Variants in ITGA6 observed in about 807,000 individuals in gnomAD.
ITGA6 encodes integrin subunit alpha 6, also known as integrin alpha-6.
Under a neutral mutation model 133.6 loss-of-function variants are expected in ITGA6, and 63 were observed. The observed-to-expected ratio is 0.47, with a 90% CI of 0.38 to 0.58. ITGA6 has a LOEUF of 0.58. ITGA6 is among the 20% of genes least tolerant of loss of function. ITGA6 has a pLI of 0.00. For missense variants in ITGA6, 1,068 were observed against 1,309.4 expected (o/e 0.82, Z 2.85); for synonymous variants, 434 against 482.0 (o/e 0.90, Z 1.30).
chr2:172,470,251 C>A (rs1166399703), intron 4 of ITGA6, among the ~76,000 whole-genome samples: 1 of 152,072 alleles, frequency 6.6e-6, no homozygotes, highest in Non-Finnish European at 1.5e-5. Context: ...TTCCCTTTGC[C>A]CCCACCTCCA....
intron 1 of ITGA6, among the ~76,000 whole-genome samples, chr2:172,435,786 C>A (rs1208615855): frequency 6.6e-6 from 1 of 151,866 alleles, no homozygotes; most frequent in Non-Finnish European, 1.5e-5. Flanking sequence ...CAGCACCACA[C>A]CCAGCAATTT....
rs118087385 is a variant in ITGA6 at position 172,460,980 on chromosome 2, A to G, written c.183-4559A>G. ...GTTCTTGGAGTTTTAAAAGTGTCCCAGTGTTTAGAACTTTTGATTTGAAGT... is the reference window on the plus strand; with the variant it reads ...GTTCTTGGAGTTTTAAAAGTGTCCCGGTGTTTAGAACTTTTGATTTGAAGT... On this transcript the variant is annotated intron_variant, in intron 1 of 25. Coordinates refer to ENST00000684293, the MANE Select transcript of ITGA6 (RefSeq NM_000210.4). 3.3e-3 allele frequency among the ~76,000 whole-genome samples: 501 copies of G among 152,358 alleles called. 10 individuals are homozygous for G. The South Asian group carries it at 0.038, about 11-fold the overall frequency.
In ITGA6 at chr2:172,487,166, A is replaced by C; in HGVS notation, c.1970+28A>C. 3 of 1,529,900 alleles carry C rather than the reference A, an allele frequency of 2.0e-6. No homozygotes were observed. The South Asian group carries it at 3.4e-5, about 17-fold the overall frequency. The allele number at this position is 1,529,900 out of a possible 1,614,324, so 94.8% of individuals were successfully genotyped here. On this transcript the variant is annotated intron_variant, in intron 14 of 25. Transcript: ENST00000684293. ...AAGAATCGTTGTGTAGCACTAGCAAAAATGATTCTGGCTTCATGGTGGCTT... is the reference window on the plus strand; with the variant it reads ...AAGAATCGTTGTGTAGCACTAGCAACAATGATTCTGGCTTCATGGTGGCTT...
intron 1 of ITGA6, among the ~76,000 whole-genome samples, chr2:172,447,777 C>G (rs1375661611): frequency 6.6e-6 from 1 of 152,202 alleles, no homozygotes; most frequent in Non-Finnish European, 1.5e-5. Flanking sequence ...CTCCATTTTC[C>G]TGATCTGACC....
intron 1 of ITGA6, among the ~76,000 whole-genome samples, chr2:172,446,300 G>A (rs114388464): frequency 6.6e-6 from 1 of 152,136 alleles, no homozygotes; most frequent in Non-Finnish European, 1.5e-5. Flanking sequence ...ATTGAAAAAT[G>A]ATGGAATTTA....
chr2:172,442,870 C>A (rs1012734167), intron 1 of ITGA6, among the ~76,000 whole-genome samples: 3 of 151,792 alleles, frequency 2.0e-5, no homozygotes, highest in Non-Finnish European at 2.9e-5. Flanking sequence ...GACTTGTGGG[C>A]GCTGATTTTT....
intron 1 of ITGA6, among the ~76,000 whole-genome samples, chr2:172,432,389 T>G (rs745614832): frequency 1.3e-5 from 2 of 152,248 alleles, no homozygotes; most frequent in Admixed American, 6.5e-5. Flanking sequence ...TTGTAGGTTA[T>G]GTGAGGGCAG....
intron 23 of ITGA6, among the ~76,000 whole-genome samples, chr2:172,497,441 C>CAAAA (rs1274890962): frequency 6.8e-6 from 1 of 147,432 alleles, no homozygotes; most frequent in Admixed American, 6.9e-5. Flanking sequence ...GTTGAGGCTG[C>CAAAA]AGTGACCCAT....
At chr2:172,454,830 C>T (rs1037990589) in intron 1 of ITGA6, among the ~76,000 whole-genome samples, 2 of 152,110 alleles carry the variant, frequency 1.3e-5, no homozygotes, top group South Asian at 2.1e-4. Flanking sequence ...TGAAGATGCT[C>T]GCCCGCTGGC....
intron 2 of ITGA6, among the ~76,000 whole-genome samples, chr2:172,466,857 G>A (rs1167067028): frequency 2.0e-5 from 3 of 152,124 alleles, no homozygotes; most frequent in Non-Finnish European, 4.4e-5. Flanking sequence ...GCAAAATTTG[G>A]ATATAGGTCA....
chr2:172,475,173 T>A, intron 7 of ITGA6, 51 bp downstream of exon 7: 1 of 1,212,508 alleles, frequency 8.2e-7, no homozygotes, highest in Non-Finnish European at 1.2e-6. Flanking sequence ...TTTGATTGTT[T>A]AAATAATAGC....
At chr2:172,445,660 A>G (rs1559119498) in intron 1 of ITGA6, among the ~76,000 whole-genome samples, 3 of 151,498 alleles carry the variant, frequency 2.0e-5, no homozygotes, top group Admixed American at 6.6e-5. Flanking sequence ...TTTAAAAAAA[A>G]AAAAAAGAAA....
intron 1 of ITGA6, among the ~76,000 whole-genome samples, chr2:172,459,597 GT>G (rs142341915): frequency 0.021 from 3,225 of 152,332 alleles, 106 homozygotes; most frequent in African/African-American, 0.073. Context: ...TGCCATCAAG[GT>G]TCTGAAGAAA....
chr2:172,485,291 CAA>C, intron 13 of ITGA6, 27 bp downstream of exon 13: 3 of 1,610,924 alleles, frequency 1.9e-6, no homozygotes, highest in Non-Finnish European at 2.5e-6. Context: ...TTCATTTTGC[CAA>C]AGTTTTTTTG....
intron 14 of ITGA6, 33 bp downstream of exon 14, chr2:172,487,171 AT>A (rs1686719817): frequency 1.3e-6 from 2 of 1,527,702 alleles, no homozygotes; most frequent in Non-Finnish European, 1.8e-6. Context: ...AGCAAAAATG[AT>A]TCTGGCTTCA....
chr2:172,431,274 GCAGAATCTTAA>G lies in ITGA6; in HGVS notation c.182+3311_182+3321del, dbSNP rs199970696. 8.7e-3 allele frequency among the ~76,000 whole-genome samples: 1,320 copies of G among 152,302 alleles called. 12 individuals carry two copies. The highest frequency in any genetic ancestry group is 0.03 in the African/African-American group (1,241 of 41,562). ...AACTGAAGCTGAAAGTTCAGCTTGA[GCAGAATCTTAA>G]CAGAATGTGGATTTGAATCTCTGAC... On this transcript the variant is annotated intron_variant, in intron 1 of 25. Transcript: ENST00000684293.
At chr2:172,471,873 T>A in intron 5 of ITGA6, among the ~76,000 whole-genome samples, 1 of 143,314 alleles carries the variant, frequency 7.0e-6, no homozygotes. Context: ...AAAAAAAGTC[T>A]AAACCCAAAT....
intron 23 of ITGA6, among the ~76,000 whole-genome samples, chr2:172,492,019 G>A (rs1686948521): frequency 6.6e-6 from 1 of 152,214 alleles, no homozygotes; most frequent in Admixed American, 6.5e-5. Context: ...AAATGGTCAT[G>A]CCTCCTTGGA....
chr2:172,436,715 C>G (rs745974842), intron 1 of ITGA6, among the ~76,000 whole-genome samples: 16 of 152,260 alleles, frequency 1.1e-4, no homozygotes, highest in Middle Eastern at 6.8e-3. Context: ...TGGGGTTTTC[C>G]TATAGAAATT....
Sources: allele counts gnomAD v4.1 joint callset (sites outside exome capture counted in the v4.1 genomes callset), GRCh38; gene constraint gnomAD v4.1.1; transcripts MANE v1.5; gene names NCBI Gene and HGNC (gene_info 2026-07-23, HGNC 2026-07-21).